Variants in CNTN5 observed in about 807,000 individuals in gnomAD.
CNTN5 encodes the protein contactin 5, also known as contactin-5.
Under a neutral mutation model 129.1 loss-of-function variants are expected in CNTN5, and 77 were observed. The ratio of observed to expected loss-of-function variants is 0.60; its 90% CI spans 0.50 to 0.72. The LOEUF (loss-of-function observed/expected upper bound fraction) is 0.72, where lower values mean the gene tolerates loss of function less well. Ranked by LOEUF, CNTN5 falls within the 30% of genes least tolerant of loss-of-function variation. The pLI is 0.00. For synonymous variants in CNTN5, 509 were observed against 465.6 expected (o/e 1.09, Z -1.20); for missense variants, 1,478 against 1,328.8 (o/e 1.11, Z -1.75).
intron 3 of CNTN5, among the ~76,000 whole-genome samples, chr11:99,665,950 TG>T (rs554265689): frequency 1.1e-5 from 1 of 89,116 alleles, no homozygotes; most frequent in East Asian, 2.4e-4. Flanking sequence ...AATTGTTAAC[TG>T]TTTTTTTTTG....
chr11:99,644,294 G>A (rs1326990217), intron 3 of CNTN5, among the ~76,000 whole-genome samples: 3 of 152,142 alleles, frequency 2.0e-5, no homozygotes. Flanking sequence ...ACACATATGT[G>A]AAGAAGGAAA....
chr11:99,228,287 G>C (rs183029664), intron 1 of CNTN5, among the ~76,000 whole-genome samples: 1 of 152,232 alleles, frequency 6.6e-6, no homozygotes, highest in Non-Finnish European at 1.5e-5. Flanking sequence ...TGCAGGTAGA[G>C]AGTAGAATGA....
At chr11:99,369,897 C>T (rs912796496) in intron 2 of CNTN5, among the ~76,000 whole-genome samples, 7 of 151,966 alleles carry the variant, frequency 4.6e-5, no homozygotes, top group Admixed American at 4.6e-4. Context: ...AAAAAAATTA[C>T]ACCAGTGAGC....
At chr11:99,582,827 C>G (rs1055255781) in intron 3 of CNTN5, among the ~76,000 whole-genome samples, 1 of 152,206 alleles carries the variant, frequency 6.6e-6, no homozygotes, top group Non-Finnish European at 1.5e-5. Context: ...CTCAACTCGT[C>G]AAAGTCATTC....
In CNTN5 at chr11:100,224,806, G is replaced by A. The variant is rs1949338297; in HGVS notation, c.1999G>A (p.Val667Ile). Residue 667 changes from valine (V) to isoleucine (I), a missense_variant, in exon 16 of 25, where the codon GTT (valine) becomes ATT (isoleucine). By Grantham distance (29) the Val-to-Ile change is conservative. Transcript: ENST00000524871. ...TGTGTCAGATGAGGCAGAACTTCTTGTTAGGGGTGAGTATGCTAATAGTGC... is the reference window on the plus strand; with the variant it reads ...TGTGTCAGATGAGGCAGAACTTCTTATTAGGGGTGAGTATGCTAATAGTGC... Reference protein sequence around the residue: ...DSVSDEAELLVRGPPGPPGIV... With the variant: ...DSVSDEAELLIRGPPGPPGIV... 2.5e-6 allele frequency: 4 copies of A among 1,613,044 alleles called. No individual in the cohort carries two copies. The highest frequency in any genetic ancestry group is 3.4e-6 in the Non-Finnish European group (4 of 1,179,144).
intron 6 of CNTN5, among the ~76,000 whole-genome samples, chr11:99,860,950 A>ATTTTTTTTTTTTTTTTTTTTTTTTTTTT (rs146364893): frequency 1.1e-5 from 1 of 91,030 alleles, no homozygotes; most frequent in Non-Finnish European, 2.0e-5. Context: ...ATATGTCTTC[A>ATTTTTTTTTTTTTTTTTTTTTTTTTTTT]TTTTTTTTTT....
At chr11:99,082,112 T>C (rs1367396607) in intron 1 of CNTN5, among the ~76,000 whole-genome samples, 1 of 151,870 alleles carries the variant, frequency 6.6e-6, no homozygotes, top group Non-Finnish European at 1.5e-5. Context: ...TACTCCTACA[T>C]ACAGAATCAC....
chr11:99,853,981 A>G (rs1017058785), intron 6 of CNTN5, among the ~76,000 whole-genome samples: 1 of 152,154 alleles, frequency 6.6e-6, no homozygotes, highest in East Asian at 1.9e-4. Flanking sequence ...CTCAAAACAT[A>G]CTTTGCATTA....
intron 8 of CNTN5, among the ~76,000 whole-genome samples, chr11:99,960,016 TG>T (rs1565723612): frequency 1.3e-5 from 2 of 152,192 alleles, no homozygotes; most frequent in Non-Finnish European, 2.9e-5. Flanking sequence ...CACCTCTCCC[TG>T]CCACTAAATC....
At chr11:99,813,153 T>C (rs1308043925) in intron 3 of CNTN5, among the ~76,000 whole-genome samples, 2 of 152,048 alleles carry the variant, frequency 1.3e-5, no homozygotes, top group African/African-American at 4.8e-5. Flanking sequence ...TGAAAAAATA[T>C]CAGTGAAGGT....
chr11:99,026,660 C>T (rs908265788), intron 1 of CNTN5, among the ~76,000 whole-genome samples: 1 of 151,470 alleles, frequency 6.6e-6, no homozygotes, highest in East Asian at 1.9e-4. Flanking sequence ...AGGGGCCATG[C>T]GAGCTCATAT....
intron 10 of CNTN5, among the ~76,000 whole-genome samples, chr11:100,061,678 A>G (rs1943489857): frequency 6.6e-6 from 1 of 152,202 alleles, no homozygotes; most frequent in Admixed American, 6.5e-5. Context: ...CTGACAAGTT[A>G]AAAATCTTGG....
At chr11:100,121,485 G>A (rs1189523625) in intron 13 of CNTN5, among the ~76,000 whole-genome samples, 1 of 151,610 alleles carries the variant, frequency 6.6e-6, no homozygotes, top group Admixed American at 6.6e-5. Context: ...AGAGGTAGAA[G>A]ATTGAAAAAC....
intron 3 of CNTN5, among the ~76,000 whole-genome samples, chr11:99,713,783 A>AT (rs571632767): frequency 0.011 from 1,691 of 152,012 alleles, 15 homozygotes; most frequent in Non-Finnish European, 0.019. Flanking sequence ...AAGTAAATTG[A>AT]TTTTTTCCCT....
At chr11:99,091,637 G>A (rs1866258096) in intron 1 of CNTN5, among the ~76,000 whole-genome samples, 1 of 152,150 alleles carries the variant, frequency 6.6e-6, no homozygotes, top group South Asian at 2.1e-4. Context: ...AATCACAGAA[G>A]AGGCACTTCA....
chr11:100,055,811 A>G (rs1413064592), intron 9 of CNTN5, among the ~76,000 whole-genome samples: 1 of 151,520 alleles, frequency 6.6e-6, no homozygotes, highest in East Asian at 1.9e-4. Flanking sequence ...GGAAAATTGT[A>G]TGCTGAATAC....
chr11:100,301,888 T>G (rs1951228521), intron 20 of CNTN5, among the ~76,000 whole-genome samples: 2 of 151,642 alleles, frequency 1.3e-5, no homozygotes, highest in South Asian at 4.1e-4. Flanking sequence ...AAAACATTAT[T>G]TTAGCTGGAG....
chr11:99,298,547 A>C (rs1309671933), intron 1 of CNTN5, among the ~76,000 whole-genome samples: 2 of 152,184 alleles, frequency 1.3e-5, no homozygotes, highest in Non-Finnish European at 2.9e-5. Context: ...CAAGGACTCA[A>C]ATATAGAAAT....
At chr11:99,203,333 A>T (rs1356663822) in intron 1 of CNTN5, among the ~76,000 whole-genome samples, 3 of 152,170 alleles carry the variant, frequency 2.0e-5, no homozygotes, top group Non-Finnish European at 4.4e-5. Flanking sequence ...TTTATGTACT[A>T]TTTAACAGCA....
Sources: gnomAD v4.1 joint callset for allele counts (sites outside exome capture counted in the v4.1 genomes callset) on GRCh38, gnomAD v4.1.1 for gene constraint, MANE v1.5 for transcripts, NCBI Gene and HGNC (gene_info 2026-07-23, HGNC 2026-07-21) for gene names.